The following PRKG1 variants were observed in gnomAD, a reference collection of about 807,000 sequenced individuals.
The protein encoded by PRKG1 is protein kinase cGMP-dependent 1, also known as cGMP-dependent protein kinase 1.
Under a neutral mutation model 88.1 loss-of-function variants are expected in PRKG1, and 35 were observed. The observed-to-expected ratio is 0.40, with a 90% CI of 0.30 to 0.53. PRKG1 has a LOEUF of 0.53. Ranked by LOEUF, PRKG1 falls within the 20% of genes least tolerant of loss-of-function variation. The pLI is 0.59. For missense variants in PRKG1, 540 were observed against 839.8 expected (o/e 0.64, Z 4.41); for synonymous variants, 303 against 292.5 (o/e 1.04, Z -0.37).
intron 5 of PRKG1, among the ~76,000 whole-genome samples, chr10:52,048,627 A>G (rs549497983): frequency 6.6e-6 from 1 of 152,298 alleles, no homozygotes; most frequent in African/African-American, 2.4e-5. Context: ...TTATATATTA[A>G]TGTTGAATTC....
chr10:51,973,785 C>A (rs2454566), intron 5 of PRKG1, among the ~76,000 whole-genome samples: 48,231 of 151,844 alleles, frequency 0.32, 8,184 homozygotes, highest in Admixed American at 0.39. Flanking sequence ...TAAACATAAA[C>A]GGGCAGGGAG....
At chr10:51,596,352 AAT>A (rs1447493870) in intron 3 of PRKG1, among the ~76,000 whole-genome samples, 1 of 152,140 alleles carries the variant, frequency 6.6e-6, no homozygotes, top group African/African-American at 2.4e-5. Context: ...CCTTCTTCTC[AAT>A]ATCTTATCTT....
intron 5 of PRKG1, among the ~76,000 whole-genome samples, chr10:51,937,864 G>A (rs1842828520): frequency 6.6e-6 from 1 of 152,032 alleles, no homozygotes; most frequent in African/African-American, 2.4e-5. Flanking sequence ...CAACTTATAA[G>A]TTTTAATTTG....
intron 3 of PRKG1, among the ~76,000 whole-genome samples, chr10:51,684,948 T>G (rs752923511): frequency 1.3e-5 from 2 of 152,190 alleles, no homozygotes; most frequent in Non-Finnish European, 2.9e-5. Context: ...TTCTAAGTTT[T>G]GGTTTTCATT....
intron 5 of PRKG1, among the ~76,000 whole-genome samples, chr10:51,932,899 G>A (rs555506178): frequency 1.3e-5 from 2 of 152,234 alleles, no homozygotes; most frequent in East Asian, 3.9e-4. Context: ...AAAAAAAAAT[G>A]TATCTTATTC....
intron 3 of PRKG1, among the ~76,000 whole-genome samples, chr10:51,621,242 C>G (rs1238276493): frequency 6.6e-6 from 1 of 151,626 alleles, no homozygotes; most frequent in Non-Finnish European, 1.5e-5. Context: ...ATCACTTTTT[C>G]TTTGTTGGCT....
chr10:51,779,993 G>T (rs1296931429), intron 3 of PRKG1, among the ~76,000 whole-genome samples: 1 of 152,128 alleles, frequency 6.6e-6, no homozygotes, highest in Admixed American at 6.6e-5. Context: ...GGGCTAAAGT[G>T]AGCCTGGTTT....
At chr10:51,908,561 G>T (rs971635922) in intron 5 of PRKG1, 7 of 151,450 alleles carry the variant, frequency 4.6e-5, no homozygotes, top group African/African-American at 1.7e-4. Context: ...ATTTGACTTA[G>T]ATTTTTAACA....
chr10:51,374,388 G>C (rs887406123), intron 2 of PRKG1, among the ~76,000 whole-genome samples: 1 of 151,798 alleles, frequency 6.6e-6, no homozygotes, highest in Non-Finnish European at 1.5e-5. Context: ...ATGATTTCCA[G>C]TTTCATCTAT....
rs570061573 is a variant in PRKG1, at chr10:51,477,747, G to A, written c.592+9911G>A. Among the ~76,000 whole-genome samples the A allele has an allele frequency of 2.1e-3, 318 of 152,024 alleles. 2 individuals are homozygous for A. Among genetic ancestry groups the A allele is most frequent in the Non-Finnish European group, 3.4e-3 (229 of 67,952 alleles). On this transcript the variant is annotated intron_variant, in intron 3 of 17. Coordinates refer to ENST00000373980, the MANE Select transcript of PRKG1 (RefSeq NM_006258.4). ...GGAGTTCGAACTTTCGTCATTTGCC[G>A]AACCTGAGGAACTAAGAGCACAATT...
chr10:52,165,192 G>A (rs1361723599), intron 9 of PRKG1, among the ~76,000 whole-genome samples: 1 of 152,040 alleles, frequency 6.6e-6, no homozygotes, highest in Non-Finnish European at 1.5e-5. Context: ...TACACTGTTA[G>A]CATTTTATAG....
intron 3 of PRKG1, among the ~76,000 whole-genome samples, chr10:51,476,553 T>C (rs1840202006): frequency 6.6e-6 from 1 of 152,082 alleles, no homozygotes; most frequent in South Asian, 2.1e-4. Flanking sequence ...TATAACCTTC[T>C]GAGTGGGATC....
chr10:51,015,249 C>G (rs1316926038), intron 1 of PRKG1, among the ~76,000 whole-genome samples: 1 of 152,196 alleles, frequency 6.6e-6, no homozygotes, highest in Non-Finnish European at 1.5e-5. Context: ...GGCTCTTGAA[C>G]GAATTCCAAG....
At chr10:51,224,688 A>G (rs1039154570) in intron 2 of PRKG1, among the ~76,000 whole-genome samples, 2 of 152,188 alleles carry the variant, frequency 1.3e-5, no homozygotes, top group African/African-American at 4.8e-5. Flanking sequence ...AGCGTCCTAT[A>G]TTTCTGTAAA....
chr10:51,642,922 G>GA (rs1203834708), intron 3 of PRKG1, among the ~76,000 whole-genome samples: 1 of 152,044 alleles, frequency 6.6e-6, no homozygotes, highest in Non-Finnish European at 1.5e-5. Context: ...GAAATCACAA[G>GA]AAAAAATACT....
chr10:51,881,068 TG>T (rs1247549605), intron 4 of PRKG1, among the ~76,000 whole-genome samples: 9 of 152,038 alleles, frequency 5.9e-5, no homozygotes, highest in African/African-American at 2.2e-4. Context: ...GAGGGGCCTC[TG>T]GAAGCATAGT....
intron 9 of PRKG1, among the ~76,000 whole-genome samples, chr10:52,179,705 T>C (rs1838963556): frequency 6.6e-6 from 1 of 152,186 alleles, no homozygotes; most frequent in Non-Finnish European, 1.5e-5. Context: ...TTGTTTTTGT[T>C]TGAGATAGAG....
intron 1 of PRKG1, among the ~76,000 whole-genome samples, chr10:51,049,880 T>C (rs1490313598): frequency 6.6e-6 from 1 of 152,174 alleles, no homozygotes; most frequent in Non-Finnish European, 1.5e-5. Context: ...CCCATATGCA[T>C]GGCATGGGTA....
chr10:51,723,118 T>C (rs1008937900), intron 3 of PRKG1, among the ~76,000 whole-genome samples: 2 of 152,228 alleles, frequency 1.3e-5, no homozygotes, highest in South Asian at 2.1e-4. Flanking sequence ...GTGGTCACCA[T>C]ACCACTTTCT....
Sources: allele counts gnomAD v4.1 joint callset (sites outside exome capture counted in the v4.1 genomes callset), GRCh38; gene constraint gnomAD v4.1.1; transcripts MANE v1.5; gene names NCBI Gene and HGNC (gene_info 2026-07-23, HGNC 2026-07-21).